ZNF74: variants seen among roughly 807,000 people sequenced by gnomAD.
The protein encoded by ZNF74 is zinc finger protein 520.
Under a neutral mutation model 17.7 loss-of-function variants are expected in ZNF74, and 12 were observed. The observed-to-expected ratio is 0.68, with a 90% CI of 0.43 to 1.10. ZNF74 has a LOEUF of 1.10. ZNF74 is among the 50% of genes least tolerant of loss of function. The pLI, the probability that ZNF74 is intolerant of heterozygous loss-of-function variation, is 0.00. For missense variants in ZNF74, 811 were observed against 881.0 expected (o/e 0.92, Z 1.01); for synonymous variants, 358 against 362.1 (o/e 0.99, Z 0.13).
At chr22:20,404,660 T>C (rs562529283) in intron 4 of ZNF74, among the ~76,000 whole-genome samples, 1 of 152,284 alleles carries the variant, frequency 6.6e-6, no homozygotes, top group African/African-American at 2.4e-5. Flanking sequence ...CATCTTGGAC[T>C]CGACTCTTGG....
chr22:20,405,713 G>T lies in ZNF74; in HGVS notation c.680G>T (p.Ser227Ile), dbSNP rs755547226. ...LCAGENASTP[S>I]EPEKFPQVRR... The stretch of plus-strand genomic sequence containing the variant: ...GCAGGGGAAAACGCCTCCACGCCAA[G>T]TGAGCCAGAAAAGTTCCCCCAGGTG... The change falls in exon 5 of 5, where the codon AGT (serine) becomes ATT (isoleucine). Residue 227 changes from serine (S) to isoleucine (I), a missense_variant. Around this residue, in one of 3 missense-constraint regions of ZNF74, gnomAD observed 666 missense variants for 702.3 expected, o/e 0.95. Transcript: ENST00000400451. 2 of 1,604,050 alleles carry T rather than the reference G, an allele frequency of 1.2e-6. No homozygotes were observed. Among genetic ancestry groups the T allele is most frequent in the Non-Finnish European group, 1.7e-6 (2 of 1,175,674 alleles).
chr22:20,400,350 C>G, intron 2 of ZNF74: 1 of 430,330 alleles, frequency 2.3e-6, no homozygotes, highest in Non-Finnish European at 4.3e-6. Flanking sequence ...CCATGTACAG[C>G]CCCTGGGTCC....
chr22:20,398,605 G>T (rs545961512), intron 2 of ZNF74, among the ~76,000 whole-genome samples: 1 of 152,082 alleles, frequency 6.6e-6, no homozygotes, highest in Non-Finnish European at 1.5e-5. Flanking sequence ...GTAAATATAT[G>T]TTTGTCAATT....
intron 4 of ZNF74, among the ~76,000 whole-genome samples, chr22:20,403,540 ATGGCCTCCCTAAC>A (rs2052381248): frequency 6.6e-6 from 1 of 151,894 alleles, no homozygotes; most frequent in Non-Finnish European, 1.5e-5. Flanking sequence ...AATTATTCAG[ATGGCCTCCCTAAC>A]TGGCCTCCCT....
At position 20,406,133 on chromosome 22, in the gene ZNF74, A is replaced by C; in HGVS notation, c.1100A>C (p.Lys367Thr). ...CCCTACCGGTGCGGCGAGTGCGGCA[A>C]GGCCTTCAACCAGCGTACACACCTC... ...EKPYRCGECG[K>T]AFNQRTHLTR... is the part of the protein sequence containing the mutation. The change falls in exon 5 of 5, where the codon AAG becomes ACG. Residue 367 changes from lysine to threonine, a missense_variant. Around this residue, in one of 3 missense-constraint regions of ZNF74, gnomAD observed 666 missense variants for 702.3 expected, o/e 0.95. Transcript: ENST00000400451. 1 of 1,613,344 alleles carries C rather than the reference A, an allele frequency of 6.2e-7. No homozygotes were observed.
chr22:20,398,464 T>G (rs1211035118), intron 2 of ZNF74, among the ~76,000 whole-genome samples: 1 of 152,116 alleles, frequency 6.6e-6, no homozygotes, highest in Non-Finnish European at 1.5e-5. Flanking sequence ...CACCAGCCGA[T>G]GGACATTTAG....
At position 20,405,413 on chromosome 22, in the gene ZNF74, G is replaced by T. The variant is rs759399320; in HGVS notation, c.380G>T (p.Gly127Val). 4 of 1,613,066 alleles carry T rather than the reference G, an allele frequency of 2.5e-6. No homozygotes were observed. Among genetic ancestry groups the T allele is most frequent in the Non-Finnish European group, 3.4e-6 (4 of 1,179,798 alleles). ...ELKAVPSQQQ[G>V]ICKEEPAQEP... ...AAGGCGGTGCCCTCTCAACAGCAGGGCATTTGCAAAGAAGAACCGGCCCAG... is the reference window on the plus strand; with the variant it reads ...AAGGCGGTGCCCTCTCAACAGCAGGTCATTTGCAAAGAAGAACCGGCCCAG... Residue 127 changes from glycine to valine, a missense_variant, in exon 5 of 5, where the codon GGC becomes GTC. This residue lies in a region of ZNF74 where 666 missense variants were observed against 702.3 expected (regional missense o/e 0.95). Transcript: ENST00000400451.
chr22:20,395,791 G>T (rs1399753627), intron 2 of ZNF74, among the ~76,000 whole-genome samples: 1 of 152,164 alleles, frequency 6.6e-6, no homozygotes, highest in African/African-American at 2.4e-5. Context: ...TGTTTGCACG[G>T]TTGGTTTACT....
chr22:20,407,412 C>A lies in ZNF74; in HGVS notation c.*444C>A. 1 of 170,296 alleles carries A rather than the reference C, an allele frequency of 5.9e-6. No individual in the cohort carries two copies. The allele number at this position is 170,296 out of a possible 1,614,324, so 10.5% of individuals were successfully genotyped here. On this transcript the variant is annotated 3_prime_UTR_variant, in exon 5 of 5. Transcript: ENST00000400451. ...TCTCTACAAAAAATGCAAAAATTAG[C>A]CAGATGTGGCGGCATGTCCCTGTGG...
chr22:20,395,598 C>T (rs952508192), intron 2 of ZNF74, among the ~76,000 whole-genome samples, 180 bp downstream of exon 2: 7 of 152,288 alleles, frequency 4.6e-5, no homozygotes, highest in East Asian at 3.9e-4. Context: ...GGTGTGCCCT[C>T]GAGATGTGCT....
chr22:20,396,942 G>A (rs1569090945), intron 2 of ZNF74, among the ~76,000 whole-genome samples: 1 of 152,208 alleles, frequency 6.6e-6, no homozygotes, highest in East Asian at 1.9e-4. Flanking sequence ...CATCAAAAAG[G>A]CCTGTGCGGG....
At position 20,401,610 on chromosome 22, in the gene ZNF74, TGATGGG is replaced by T. The variant is rs1439492325; in HGVS notation, c.343+247_343+252del. On this transcript the variant is annotated intron_variant, in intron 4 of 4. Coordinates refer to ENST00000400451, the MANE Select transcript of ZNF74 (RefSeq NM_003426.4). This position sits in a 1 kb window ranked among gnomAD's most constrained non-coding sequence, Gnocchi z 4.2. ...CCACTGGGACCAAATGGTCACCTGC[TGATGGG>T]GATGGGGAGGCAGGAATAGAAATAT... is the stretch of plus-strand genomic sequence containing the variant. 1.3e-5 allele frequency among the ~76,000 whole-genome samples: 2 copies of T among 152,050 alleles called. No homozygotes were observed. The highest frequency in any genetic ancestry group is 4.8e-5 in the African/African-American group (2 of 41,392).
At chr22:20,400,316 A>G in intron 2 of ZNF74, 1 of 296,550 alleles carries the variant, frequency 3.4e-6, no homozygotes. Context: ...CATCTCACCC[A>G]GGACTTAGAG....
chr22:20,395,374 C>G lies in ZNF74; in HGVS notation c.76C>G (p.Leu26Val), dbSNP rs771752143. 28 of 1,606,582 alleles carry G rather than the reference C, an allele frequency of 1.7e-5. No homozygotes were observed. The highest frequency in any genetic ancestry group is 2.6e-6 in the Non-Finnish European group (3 of 1,174,326). ...TCCTGCTCTTTCCCTGAAAGAGAAT[C>G]TCGAGGATATATCGGGTTGGGGTCT... ...QDPALSLKEN[L>V]EDISGWGLPE... The change falls in exon 2 of 5, where the codon CTC becomes GTC. Residue 26 changes from leucine to valine, a missense_variant. Physicochemically the swap from Leu to Val is conservative, Grantham distance 32. Transcript: ENST00000400451.
chr22:20,394,669 C>G lies in ZNF74; in HGVS notation c.34+7C>G, dbSNP rs937038589. 2 of 1,613,934 alleles carry G rather than the reference C, an allele frequency of 1.2e-6. No individual in the cohort carries two copies. Among genetic ancestry groups the G allele is most frequent in the African/African-American group, 2.7e-5 (2 of 74,916 alleles). ...CCGGAGCCCGAGAAGACAGGTACAG[C>G]TTCACTCTTGTAGTCAGTATGTCTG... On this transcript the variant is annotated splice_region_variant and intron_variant, in intron 1 of 4. Transcript: ENST00000400451.
intron 2 of ZNF74, among the ~76,000 whole-genome samples, chr22:20,397,899 G>T (rs1045651290): frequency 6.6e-6 from 1 of 152,030 alleles, no homozygotes; most frequent in Non-Finnish European, 1.5e-5. Context: ...CCTTTTCCCC[G>T]CATCTTCACA....
At chr22:20,398,929 T>C (rs1277507439) in intron 2 of ZNF74, among the ~76,000 whole-genome samples, 3 of 152,180 alleles carry the variant, frequency 2.0e-5, no homozygotes, top group African/African-American at 7.2e-5. Context: ...TTCAGCCATA[T>C]GTTATTTCAG....
At position 20,407,142 on chromosome 22, in the gene ZNF74, T is replaced by C; in HGVS notation, c.*174T>C. 9.9e-7 allele frequency: 1 copy of C among 1,005,092 alleles called. No homozygotes were observed. The highest frequency in any genetic ancestry group is 1.4e-6 in the Non-Finnish European group (1 of 710,814). The allele number at this position is 1,005,092 out of a possible 1,614,324, so 62.3% of individuals were successfully genotyped here. A position where few individuals can be genotyped will look rare whatever the true frequency, so the allele number is the denominator to read the frequency against. On this transcript the variant is annotated 3_prime_UTR_variant, in exon 5 of 5. Transcript: ENST00000400451. The stretch of plus-strand genomic sequence containing the variant: ...CCTCCTCTAGTTAAAGTCAGTCACC[T>C]CCCCAGAAGGGCCACACTCCAGGAG...
Position 20,395,377 on chromosome 22 carries a change from G to T in ZNF74, c.79G>T (p.Glu27Ter), listed in dbSNP as rs2052281252. ...DPALSLKENL[E>*]DISGWGLPEA... is the part of the protein sequence containing the mutation. ...TGCTCTTTCCCTGAAAGAGAATCTC[G>T]AGGATATATCGGGTTGGGGTCTTCC... The change falls in exon 2 of 5, where the codon GAG becomes TAG. Residue 27 changes from glutamate (E) to a stop codon, truncating the protein, a stop_gained. Coordinates refer to ENST00000400451, the MANE Select transcript of ZNF74 (RefSeq NM_003426.4). LOFTEE classifies it high-confidence loss of function. 1.9e-6 allele frequency: 3 copies of T among 1,606,620 alleles called. No homozygotes were observed. The highest frequency in any genetic ancestry group is 1.1e-5 in the South Asian group (1 of 90,606).
Sources: allele counts gnomAD v4.1 joint callset (sites outside exome capture counted in the v4.1 genomes callset), GRCh38; gene constraint gnomAD v4.1.1; regional missense constraint gnomAD v4.1.1; non-coding constraint Gnocchi (gnomAD v3.1); transcripts MANE v1.5; gene names NCBI Gene and HGNC (gene_info 2026-07-23, HGNC 2026-07-21).